The following DOCK8 variants were observed in gnomAD, a reference collection of about 807,000 sequenced individuals.
The protein encoded by DOCK8 is dedicator of cytokinesis 8.
DOCK8 carries 141 observed loss-of-function variants against 245.6 expected under a neutral mutation model. The observed-to-expected ratio is 0.57, with a 90% confidence interval of 0.50 to 0.66. The LOEUF (loss-of-function observed/expected upper bound fraction) is 0.66, where lower values mean the gene tolerates loss of function less well. DOCK8 is among the 30% of genes least tolerant of loss of function. The pLI is 0.00. For synonymous variants in DOCK8, 1,168 were observed against 970.2 expected (o/e 1.20, Z -3.79); for missense variants, 2,965 against 2,603.4 (o/e 1.14, Z -3.02).
intron 40 of DOCK8, 129 bp downstream of exon 40, chr9:439,517 G>A: frequency 8.0e-7 from 1 of 1,253,264 alleles, no homozygotes. Flanking sequence ...GGTGTGCGGG[G>A]CAGGGGATGG....
At chr9:231,920 A>G (rs1190333858) in intron 1 of DOCK8, among the ~76,000 whole-genome samples, 5 of 152,136 alleles carry the variant, frequency 3.3e-5, no homozygotes, top group East Asian at 1.9e-4. Flanking sequence ...CCTGGCCAGA[A>G]CTTCCAACAT....
intron 24 of DOCK8, among the ~76,000 whole-genome samples, chr9:396,036 TATAG>T (rs1201549256): frequency 6.6e-6 from 1 of 152,164 alleles, no homozygotes; most frequent in Non-Finnish European, 1.5e-5. Flanking sequence ...AGATACTAGA[TATAG>T]ATAGATAATC....
intron 2 of DOCK8, among the ~76,000 whole-genome samples, chr9:280,315 A>G (rs2048523611): frequency 6.6e-6 from 1 of 152,172 alleles, no homozygotes. Context: ...GAGGGAAGTG[A>G]CGGTTTCTTT....
rs752577480 is a variant in DOCK8 at position 334,349 on chromosome 9, T to C, written c.1250T>C (p.Leu417Pro). 1.2e-6 allele frequency: 2 copies of C among 1,614,130 alleles called. No homozygotes were observed. Among genetic ancestry groups the C allele is most frequent in the Non-Finnish European group, 1.7e-6 (2 of 1,179,970 alleles). Residue 417 changes from leucine to proline, a missense_variant, in exon 11 of 48, where the codon CTT (leucine) becomes CCT (proline). By Grantham distance (98) the Leu-to-Pro change is moderately conservative. Around this residue, in one of 3 missense-constraint regions of DOCK8, gnomAD observed 2,825 missense variants for 2,453.5 expected, o/e 1.15. Coordinates refer to ENST00000432829, the MANE Select transcript of DOCK8 (RefSeq NM_203447.4). Reference protein sequence around the residue: ...SLSSFFNVSTLEREVTDVDSV... With the variant: ...SLSSFFNVSTPEREVTDVDSV... ...TCAAGCTTCTTCAATGTCTCCACCC[T>C]TGAGAGGGAGGTAACTGATGTGGAC...
At chr9:260,714 T>C (rs947349841) in intron 1 of DOCK8, among the ~76,000 whole-genome samples, 4 of 152,228 alleles carry the variant, frequency 2.6e-5, no homozygotes, top group African/African-American at 7.2e-5. Context: ...CCCAGTTTTA[T>C]AGTAGAATAC....
At chr9:416,551 C>A (rs548335971) in intron 29 of DOCK8, among the ~76,000 whole-genome samples, 1 of 152,210 alleles carries the variant, frequency 6.6e-6, no homozygotes, top group Admixed American at 6.5e-5. Context: ...GAGAAAAAAA[C>A]AGTGAAAAGT....
chr9:424,834 C>T (rs2056421605), intron 33 of DOCK8, among the ~76,000 whole-genome samples: 1 of 152,136 alleles, frequency 6.6e-6, no homozygotes, highest in Non-Finnish European at 1.5e-5. Context: ...GTTAGGTGTA[C>T]TTTATCACAA....
intron 27 of DOCK8, 160 bp downstream of exon 27, chr9:405,233 A>G: frequency 1.4e-6 from 1 of 728,798 alleles, no homozygotes; most frequent in South Asian, 1.8e-5. Flanking sequence ...TTACACCACT[A>G]GCTAAGAATT....
At chr9:442,261 ATATT>A (rs1467124060) in intron 42 of DOCK8, among the ~76,000 whole-genome samples, 1 of 152,216 alleles carries the variant, frequency 6.6e-6, no homozygotes, top group Non-Finnish European at 1.5e-5. Flanking sequence ...TATATGGTGA[ATATT>A]TATTTTGAAG....
At chr9:287,291 A>G (rs1284236248) in intron 3 of DOCK8, among the ~76,000 whole-genome samples, 1 of 152,208 alleles carries the variant, frequency 6.6e-6, no homozygotes, top group Non-Finnish European at 1.5e-5. Flanking sequence ...AGGCTTGGGC[A>G]TTAGTTTTTG....
intron 33 of DOCK8, among the ~76,000 whole-genome samples, chr9:422,633 A>T (rs555292216): frequency 6.6e-6 from 1 of 152,256 alleles, no homozygotes; most frequent in Non-Finnish European, 1.5e-5. Flanking sequence ...TTTTAAAATC[A>T]TCTTAATGAC....
chr9:383,574 C>T (rs2053817803), intron 22 of DOCK8, among the ~76,000 whole-genome samples: 1 of 152,002 alleles, frequency 6.6e-6, no homozygotes, highest in South Asian at 2.1e-4. Flanking sequence ...GTGGCGGGTC[C>T]CTGTAATTCT....
intron 26 of DOCK8, among the ~76,000 whole-genome samples, chr9:400,351 AC>A (rs2054841187): frequency 1.6e-5 from 1 of 63,524 alleles, no homozygotes; most frequent in African/African-American, 6.7e-5. Flanking sequence ...CACCACCACC[AC>A]CTCCTCCACC....
intron 13 of DOCK8, 46 bp from the exon 14 acceptor site, chr9:340,113 A>G: frequency 6.3e-7 from 1 of 1,593,968 alleles, no homozygotes; most frequent in South Asian, 1.1e-5. Context: ...ATTCCCTCAT[A>G]ACATGACAGT....
chr9:346,239 G>A (rs1322856284), intron 14 of DOCK8, among the ~76,000 whole-genome samples: 1 of 152,146 alleles, frequency 6.6e-6, no homozygotes, highest in Non-Finnish European at 1.5e-5. Context: ...TTAAGAAAAT[G>A]CTAGTGGTTT....
intron 10 of DOCK8, 143 bp from the exon 11 acceptor site, chr9:334,082 T>C (rs2051188657): frequency 1.1e-6 from 1 of 912,154 alleles, no homozygotes; most frequent in South Asian, 1.5e-5. Flanking sequence ...ATTCACTGTT[T>C]TTATTTTTTA....
intron 41 of DOCK8, 67 bp from the exon 42 acceptor site, chr9:441,808 C>G: frequency 6.3e-7 from 1 of 1,596,952 alleles, no homozygotes; most frequent in Non-Finnish European, 8.6e-7. Context: ...AGACCCCTGC[C>G]CTTTGCAACT....
intron 14 of DOCK8, among the ~76,000 whole-genome samples, 157 bp from the exon 15 acceptor site, chr9:367,861 T>C (rs2053082822): frequency 6.6e-6 from 1 of 152,154 alleles, no homozygotes; most frequent in Non-Finnish European, 1.5e-5. Flanking sequence ...AGAGGAAGAA[T>C]CAAGTAATTC....
intron 40 of DOCK8, among the ~76,000 whole-genome samples, chr9:440,028 T>C (rs2057039572): frequency 1.3e-5 from 2 of 151,942 alleles, no homozygotes; most frequent in African/African-American, 4.9e-5. Context: ...TATTTTCTTT[T>C]CTTTTTTTGA....
Sources: gnomAD v4.1 joint callset for allele counts (sites outside exome capture counted in the v4.1 genomes callset) on GRCh38, gnomAD v4.1.1 for gene constraint, gnomAD v4.1.1 regional missense constraint, MANE v1.5 for transcripts, NCBI Gene and HGNC (gene_info 2026-07-23, HGNC 2026-07-21) for gene names.